Variants in ASCC3 observed in about 807,000 individuals in gnomAD.
The protein encoded by ASCC3 is activating signal cointegrator 1 complex subunit 3, also known as ASC-1 complex subunit P200.
ASCC3 carries 158 observed loss-of-function variants against 256.3 expected under a neutral mutation model. The observed-to-expected ratio is 0.62, with a 90% CI of 0.54 to 0.70. The LOEUF (loss-of-function observed/expected upper bound fraction) is 0.70, where lower values mean the gene tolerates loss of function less well. Ranked by LOEUF, ASCC3 falls within the 30% of genes least tolerant of loss-of-function variation. The pLI, the probability that ASCC3 is intolerant of heterozygous loss-of-function variation, is 0.00. For synonymous variants in ASCC3, 948 were observed against 883.4 expected, an observed-to-expected ratio of 1.07 and a Z score of -1.30; for missense variants, 2,259 against 2,626.0, an observed-to-expected ratio of 0.86 and a Z score of 3.05.
intron 10 of ASCC3, among the ~76,000 whole-genome samples, chr6:100,738,001 T>C (rs533970014): frequency 3.3e-5 from 5 of 152,356 alleles, no homozygotes; most frequent in African/African-American, 1.2e-4. Flanking sequence ...CTTTCATGTT[T>C]GTTGGCTGCA....
chr6:100,661,317 CA>C (rs1476190131), intron 16 of ASCC3, among the ~76,000 whole-genome samples: 2 of 71,028 alleles, frequency 2.8e-5, no homozygotes, highest in Admixed American at 1.5e-4. Flanking sequence ...AATCTTAACA[CA>C]AAAGTCACAC....
chr6:100,829,010 C>G (rs1032812888), intron 4 of ASCC3, among the ~76,000 whole-genome samples: 2 of 152,120 alleles, frequency 1.3e-5, no homozygotes, highest in African/African-American at 4.8e-5. Context: ...AGGTTCTCCA[C>G]GACTAGATTA....
At chr6:100,786,860 A>C (rs1582863268) in intron 8 of ASCC3, among the ~76,000 whole-genome samples, 1 of 152,188 alleles carries the variant, frequency 6.6e-6, no homozygotes, top group African/African-American at 2.4e-5. Context: ...TCTAACAGGG[A>C]TGAAATTGAG....
At chr6:100,732,818 A>G (rs1234426811) in intron 10 of ASCC3, among the ~76,000 whole-genome samples, 1 of 152,170 alleles carries the variant, frequency 6.6e-6, no homozygotes, top group Non-Finnish European at 1.5e-5. Flanking sequence ...CACTGCCACA[A>G]CCTATACCTC....
At chr6:100,595,341 G>T (rs1259492738) in intron 34 of ASCC3, among the ~76,000 whole-genome samples, 2 of 151,980 alleles carry the variant, frequency 1.3e-5, no homozygotes, top group African/African-American at 4.8e-5. Flanking sequence ...TTTTTTAAAA[G>T]AAAATTTATG....
intron 13 of ASCC3, among the ~76,000 whole-genome samples, chr6:100,682,707 G>A (rs1020518391): frequency 3.9e-5 from 6 of 152,122 alleles, no homozygotes; most frequent in Admixed American, 6.5e-5. Flanking sequence ...ACTGTTACGG[G>A]GAGAAAAATC....
chr6:100,677,337 T>TAAAAAAAAA (rs879435725), intron 14 of ASCC3, among the ~76,000 whole-genome samples: 1 of 147,472 alleles, frequency 6.8e-6, no homozygotes, highest in Non-Finnish European at 1.5e-5. Flanking sequence ...CTATTTTATT[T>TAAAAAAAAA]AAAAAAAAAA....
intron 14 of ASCC3, among the ~76,000 whole-genome samples, chr6:100,667,445 G>A (rs1367523500): frequency 3.9e-5 from 6 of 152,110 alleles, no homozygotes; most frequent in Non-Finnish European, 5.9e-5. Flanking sequence ...GGTGGAAAAG[G>A]AGCCAATTCA....
At chr6:100,612,887 T>G (rs1158007432) in intron 30 of ASCC3, among the ~76,000 whole-genome samples, 2 of 151,944 alleles carry the variant, frequency 1.3e-5, no homozygotes, top group Non-Finnish European at 2.9e-5. Context: ...TTTCAAAATA[T>G]AAATATATTT....
chr6:100,516,673 C>CA (rs1241769540), intron 38 of ASCC3, among the ~76,000 whole-genome samples: 1 of 151,982 alleles, frequency 6.6e-6, no homozygotes, highest in Non-Finnish European at 1.5e-5. Flanking sequence ...ATGAGTGTAG[C>CA]AAATGTCTTT....
Position 100,569,532 on chromosome 6 carries a change from A to G in ASCC3, c.5550+20102T>C, listed in dbSNP as rs1350129690. On this transcript the variant is annotated intron_variant, in intron 36 of 41. Coordinates refer to ENST00000369162, the MANE Select transcript of ASCC3 (RefSeq NM_006828.4). ...CGAGTAGCTGGGACTACAGGACCCC[A>G]CCAACATGCCAGGCTAATTTTTTGT... 4.0e-5 allele frequency among the ~76,000 whole-genome samples: 6 copies of G among 151,858 alleles called. No homozygotes were observed. In the East Asian group the frequency reaches 1.2e-3, roughly 29 times the overall value.
intron 3 of ASCC3, chr6:100,857,897 C>CACACAT (rs1039834172): frequency 3.3e-5 from 5 of 151,506 alleles, no homozygotes; most frequent in Admixed American, 2.0e-4. Flanking sequence ...CACACACACA[C>CACACAT]ACACACCCTC....
At chr6:100,811,331 C>T (rs935692824) in intron 4 of ASCC3, among the ~76,000 whole-genome samples, 2 of 152,120 alleles carry the variant, frequency 1.3e-5, no homozygotes, top group Admixed American at 6.6e-5. Context: ...AAAGTTATCA[C>T]CTCCTTTCTC....
intron 13 of ASCC3, among the ~76,000 whole-genome samples, chr6:100,713,005 G>T (rs1405312395): frequency 6.6e-6 from 1 of 151,866 alleles, no homozygotes; most frequent in Non-Finnish European, 1.5e-5. Flanking sequence ...TGATCCACCT[G>T]CCTCGGCCTC....
intron 4 of ASCC3, among the ~76,000 whole-genome samples, chr6:100,810,646 G>A (rs1425607866): frequency 1.3e-5 from 2 of 151,984 alleles, no homozygotes; most frequent in African/African-American, 2.4e-5. Flanking sequence ...TCTCAAAACA[G>A]AAAGAATCCT....
chr6:100,728,884 G>A lies in ASCC3; in HGVS notation c.1738-3181C>T, dbSNP rs148545629. ...TATGTTAGCATTTAGGGAAGAAAGC[G>A]CACTTGGTGATAGCACGAATACATC... On this transcript the variant is annotated intron_variant, in intron 10 of 41. Transcript: ENST00000369162. Among the ~76,000 whole-genome samples the A allele has an allele frequency of 2.0e-4, 31 of 152,186 alleles. No homozygotes were observed. The East Asian group carries it at 4.8e-3, about 24-fold the overall frequency.
At chr6:100,734,590 T>C (rs867038867) in intron 10 of ASCC3, among the ~76,000 whole-genome samples, 5 of 152,124 alleles carry the variant, frequency 3.3e-5, no homozygotes, top group Non-Finnish European at 7.4e-5. Context: ...AATTATTTCA[T>C]ATAAAAAAGA....
intron 36 of ASCC3, among the ~76,000 whole-genome samples, chr6:100,581,439 T>C (rs1771253663): frequency 1.3e-5 from 2 of 152,310 alleles, no homozygotes; most frequent in Admixed American, 6.5e-5. Flanking sequence ...TGTTTGTTTT[T>C]TTCTTGTAAA....
In ASCC3 at chr6:100,861,002, G is replaced by A. The variant is rs1773198438; in HGVS notation, c.241+3062C>T. 1.3e-5 allele frequency among the ~76,000 whole-genome samples: 2 copies of A among 152,096 alleles called. 1 individual carries two copies. The highest frequency in any genetic ancestry group is 4.1e-4 in the South Asian group (2 of 4,828). ...GATCAGTCCAGTGACAGTGAAGAAG[G>A]TGGATGAGAAAGGAAGGCTAAAGCA... On this transcript the variant is annotated intron_variant, in intron 3 of 41. Coordinates refer to ENST00000369162, the MANE Select transcript of ASCC3 (RefSeq NM_006828.4).
Sources: allele counts gnomAD v4.1 joint callset (sites outside exome capture counted in the v4.1 genomes callset), GRCh38; gene constraint gnomAD v4.1.1; transcripts MANE v1.5; gene names NCBI Gene and HGNC (gene_info 2026-07-23, HGNC 2026-07-21).